The following MACROD2 variants were observed in gnomAD, a reference collection of about 807,000 sequenced individuals.
The protein encoded by MACROD2 is ADP-ribose glycohydrolase MACROD2.
In MACROD2, 36 loss-of-function variants were observed where a neutral mutation model predicts 70.4. The observed-to-expected ratio is 0.51, with a 90% CI of 0.39 to 0.68. The LOEUF is 0.68. Among genes scored for constraint, MACROD2 ranks in the 30% least tolerant of loss-of-function variants. MACROD2 has a pLI of 0.00. For missense variants in MACROD2, 496 were observed against 538.4 expected (o/e 0.92, Z 0.78); for synonymous variants, 172 against 178.8 (o/e 0.96, Z 0.30).
At chr20:15,993,290 A>G (rs531594812) in intron 15 of MACROD2, among the ~76,000 whole-genome samples, 1 of 151,428 alleles carries the variant, frequency 6.6e-6, no homozygotes, top group South Asian at 2.1e-4. Flanking sequence ...TCTATCATCT[A>G]TACAGTGACA....
chr20:14,977,426 C>T (rs2074750643), intron 5 of MACROD2, among the ~76,000 whole-genome samples: 1 of 146,576 alleles, frequency 6.8e-6, no homozygotes, highest in Non-Finnish European at 1.5e-5. Flanking sequence ...TATTTAAGTA[C>T]AAGAGTTCTG....
At chr20:14,952,126 A>G (rs554496992) in intron 5 of MACROD2, among the ~76,000 whole-genome samples, 2 of 152,244 alleles carry the variant, frequency 1.3e-5, no homozygotes, top group African/African-American at 4.8e-5. Context: ...TCATCAAGCT[A>G]TCAGATTACA....
intron 8 of MACROD2, among the ~76,000 whole-genome samples, chr20:15,681,237 C>CAT (rs2050156063): frequency 6.6e-6 from 1 of 152,150 alleles, no homozygotes; most frequent in African/African-American, 2.4e-5. Flanking sequence ...CTCTTCTAGC[C>CAT]AAGTCTTCAT....
At chr20:14,059,079 GT>G (rs1375416706) in intron 2 of MACROD2, among the ~76,000 whole-genome samples, 1 of 151,988 alleles carries the variant, frequency 6.6e-6, no homozygotes, top group Non-Finnish European at 1.5e-5. Flanking sequence ...CTATTTCTAT[GT>G]TTTTCAAATA....
intron 3 of MACROD2, among the ~76,000 whole-genome samples, chr20:14,367,201 T>C (rs1275006234): frequency 6.6e-6 from 1 of 152,228 alleles, no homozygotes; most frequent in Non-Finnish European, 1.5e-5. Context: ...CTCATGTTAA[T>C]GTTTTTATAG....
intron 8 of MACROD2, among the ~76,000 whole-genome samples, chr20:15,532,194 T>G (rs542866753): frequency 1.4e-4 from 21 of 152,192 alleles, no homozygotes; most frequent in Admixed American, 1.2e-3. Flanking sequence ...TGAATTCAGA[T>G]GTACAATGAA....
chr20:14,388,070 C>T (rs574871806), intron 3 of MACROD2, among the ~76,000 whole-genome samples: 24 of 148,950 alleles, frequency 1.6e-4, no homozygotes, highest in Non-Finnish European at 3.1e-4. Flanking sequence ...AGTGCAGTGG[C>T]ATGATCTTGG....
At chr20:14,041,854 G>A (rs1306846857) in intron 2 of MACROD2, among the ~76,000 whole-genome samples, 1 of 152,112 alleles carries the variant, frequency 6.6e-6, no homozygotes, top group East Asian at 1.9e-4. Flanking sequence ...TAAGAGCAGA[G>A]TCTGCTCACA....
At chr20:14,005,193 A>G (rs1030017126) in intron 2 of MACROD2, among the ~76,000 whole-genome samples, 3 of 152,164 alleles carry the variant, frequency 2.0e-5, no homozygotes, top group Admixed American at 2.0e-4. Flanking sequence ...AGCAAGTTTT[A>G]TTTTGACTTA....
At chr20:15,733,171 C>G (rs77608244) in intron 8 of MACROD2, among the ~76,000 whole-genome samples, 7,079 of 152,068 alleles carry the variant, frequency 0.047, 234 homozygotes, top group East Asian at 0.15. Context: ...CTTTTGTTAT[C>G]CTTTAAAGTC....
Position 14,464,277 on chromosome 20 carries a change from C to T in MACROD2, c.272-29202C>T, listed in dbSNP as rs549467488. ...TTTAGTCTTGGGAGGGTGTATGTGT[C>T]GAGGAATTTATCCATTTCTTCTAGA... is the stretch of plus-strand genomic sequence containing the variant. On this transcript the variant is annotated intron_variant, in intron 3 of 17. Coordinates refer to ENST00000684519, the MANE Select transcript of MACROD2 (RefSeq NM_001351661.2). Among the ~76,000 whole-genome samples the T allele has an allele frequency of 7.8e-3, 1,192 of 152,046 alleles. 23 individuals are homozygous for T. The highest frequency in any genetic ancestry group is 0.027 in the African/African-American group (1,132 of 41,438).
Position 14,417,046 on chromosome 20 carries a change from T to TTATC in MACROD2, c.272-76416_272-76413dup, listed in dbSNP as rs796539518. ...CGCTATCTATCTATATATCTATCTA[T>TTATC]TATCTATCTATCTATCTATCATCTA... On this transcript the variant is annotated intron_variant, in intron 3 of 17. Coordinates refer to ENST00000684519, the MANE Select transcript of MACROD2 (RefSeq NM_001351661.2). 1.9e-3 allele frequency among the ~76,000 whole-genome samples: 250 copies of TTATC among 131,874 alleles called. 1 individual carries two copies. Among genetic ancestry groups the TTATC allele is most frequent in the African/African-American group, 5.7e-3 (217 of 37,814 alleles). The allele number at this position is 131,874 out of a possible 152,430, so 86.5% of individuals were successfully genotyped here.
chr20:15,932,272 T>C (rs1327688767), intron 10 of MACROD2, among the ~76,000 whole-genome samples: 4 of 152,118 alleles, frequency 2.6e-5, no homozygotes, highest in Admixed American at 2.6e-4. Context: ...AGCATGGGGA[T>C]TGGCTTCCCA....
chr20:15,054,420 G>A (rs2123061349), intron 5 of MACROD2, among the ~76,000 whole-genome samples: 1 of 152,142 alleles, frequency 6.6e-6, no homozygotes, highest in South Asian at 2.1e-4. Flanking sequence ...TCACCATAGA[G>A]GCAAGACTCC....
chr20:14,864,106 A>G (rs540273678), intron 5 of MACROD2, among the ~76,000 whole-genome samples: 1 of 152,090 alleles, frequency 6.6e-6, no homozygotes, highest in African/African-American at 2.4e-5. Context: ...AACACTCTCT[A>G]TGTGTCCTGC....
At chr20:14,846,368 C>G (rs545742154) in intron 5 of MACROD2, among the ~76,000 whole-genome samples, 1 of 151,872 alleles carries the variant, frequency 6.6e-6, no homozygotes, top group African/African-American at 2.4e-5. Flanking sequence ...GAGTTACAGG[C>G]GCACGCCACC....
At chr20:15,874,572 G>A (rs1044327222) in intron 9 of MACROD2, among the ~76,000 whole-genome samples, 2 of 151,994 alleles carry the variant, frequency 1.3e-5, no homozygotes, top group African/African-American at 4.8e-5. Flanking sequence ...CCTCTCCAGC[G>A]TCTGTTGTTT....
intron 2 of MACROD2, among the ~76,000 whole-genome samples, chr20:14,026,148 C>G (rs1043943676): frequency 6.6e-6 from 1 of 152,138 alleles, no homozygotes; most frequent in African/African-American, 2.4e-5. Flanking sequence ...TCTGTTTTAT[C>G]AGAGACTAGG....
At position 15,281,321 on chromosome 20, in the gene MACROD2, T is replaced by G. The variant is rs535623898; in HGVS notation, c.540+51260T>G. 5.9e-5 allele frequency among the ~76,000 whole-genome samples: 9 copies of G among 152,216 alleles called. No homozygotes were observed. The South Asian group carries it at 1.0e-3, about 18-fold the overall frequency. ...ATATCTTCCCAACAGTCCCCCAAAG[T>G]CTCAACTAATTTCAGCATTAACTCA... is the stretch of plus-strand genomic sequence containing the variant. On this transcript the variant is annotated intron_variant, in intron 6 of 17. Coordinates refer to ENST00000684519, the MANE Select transcript of MACROD2 (RefSeq NM_001351661.2).
Sources: allele counts gnomAD v4.1 joint callset (sites outside exome capture counted in the v4.1 genomes callset), GRCh38; gene constraint gnomAD v4.1.1; transcripts MANE v1.5; gene names NCBI Gene and HGNC (gene_info 2026-07-23, HGNC 2026-07-21).